ULK4: variants seen among roughly 807,000 people sequenced by gnomAD.
ULK4 encodes the protein unc-51 like kinase 4.
In ULK4, 133 loss-of-function variants were observed where a neutral mutation model predicts 160.6. The observed-to-expected ratio is 0.83, with a 90% CI of 0.72 to 0.96. The LOEUF is 0.96. Among genes scored for constraint, ULK4 ranks in the 40% least tolerant of loss-of-function variants. ULK4 has a pLI of 0.00. For missense variants in ULK4, 1,580 were observed against 1,499.5 expected (o/e 1.05, Z -0.89); for synonymous variants, 534 against 539.8 (o/e 0.99, Z 0.15).
chr3:41,385,153 TGTC>T (rs2081775909), intron 35 of ULK4, among the ~76,000 whole-genome samples: 1 of 152,230 alleles, frequency 6.6e-6, no homozygotes, highest in South Asian at 2.1e-4. Context: ...AGTGTCATGA[TGTC>T]TTCACTTTCA....
chr3:41,835,905 A>T lies in ULK4; in HGVS notation c.1723T>A (p.Leu575Ile). The stretch of plus-strand genomic sequence containing the variant: ...TAGATCAGCTCCCCAAGGGTTGGTA[A>T]AAGGCACTGTTTTAATTTGCTGTTC... ...FRNSKLKQCL[L>I]PTLGELIYLV... The change falls in exon 18 of 37, where the codon TTA (leucine) becomes ATA (isoleucine). Residue 575 changes from leucine to isoleucine, a missense_variant. Coordinates refer to ENST00000301831, the MANE Select transcript of ULK4 (RefSeq NM_017886.4). 1 of 1,613,688 alleles carries T rather than the reference A, an allele frequency of 6.2e-7. No homozygotes were observed. Among genetic ancestry groups the T allele is most frequent in the African/African-American group, 1.3e-5 (1 of 74,972 alleles).
intron 2 of ULK4, among the ~76,000 whole-genome samples, chr3:41,947,513 G>C (rs1700149671): frequency 6.6e-6 from 1 of 152,176 alleles, no homozygotes; most frequent in Admixed American, 6.5e-5. Context: ...CTCCTCAACT[G>C]GAGAGGGGGC....
intron 5 of ULK4, among the ~76,000 whole-genome samples, chr3:41,924,139 A>C (rs572098432): frequency 6.6e-6 from 1 of 152,316 alleles, no homozygotes; most frequent in African/African-American, 2.4e-5. Flanking sequence ...CATCAATGTT[A>C]ACAGATTCTT....
At chr3:41,475,411 T>C (rs917840096) in intron 32 of ULK4, among the ~76,000 whole-genome samples, 1 of 152,166 alleles carries the variant, frequency 6.6e-6, no homozygotes, top group Admixed American at 6.5e-5. Context: ...ATTTTTTTCT[T>C]TGACATATAA....
At chr3:41,493,348 A>G (rs2084863296) in intron 32 of ULK4, among the ~76,000 whole-genome samples, 3 of 145,412 alleles carry the variant, frequency 2.1e-5, no homozygotes, top group Admixed American at 7.0e-5. Context: ...TAACGAAATG[A>G]AGGCAGAAAT....
chr3:41,831,027 TATTTATTG>T (rs1559590124), intron 18 of ULK4, among the ~76,000 whole-genome samples: 12 of 151,482 alleles, frequency 7.9e-5, no homozygotes, highest in African/African-American at 2.2e-4. Flanking sequence ...TTTATTTATT[TATTTATTG>T]ATTTATTTAT....
At chr3:41,811,582 G>C (rs1256692246) in intron 19 of ULK4, among the ~76,000 whole-genome samples, 1 of 152,084 alleles carries the variant, frequency 6.6e-6, no homozygotes, top group Non-Finnish European at 1.5e-5. Context: ...TCTCTGCTTA[G>C]AAGGCAATTT....
intron 32 of ULK4, among the ~76,000 whole-genome samples, chr3:41,499,518 C>T (rs941734955): frequency 2.6e-5 from 4 of 152,156 alleles, no homozygotes; most frequent in Non-Finnish European, 4.4e-5. Context: ...GCACAAAATA[C>T]GTGGTGGGCT....
chr3:41,657,105 ATAAACTAG>A (rs2034963878), intron 30 of ULK4, among the ~76,000 whole-genome samples: 1 of 152,152 alleles, frequency 6.6e-6, no homozygotes, highest in African/African-American at 2.4e-5. Flanking sequence ...ACACTCAATA[ATAAACTAG>A]ATCCACCAGG....
chr3:41,600,843 C>T (rs76070709), intron 31 of ULK4, among the ~76,000 whole-genome samples: 1,750 of 152,304 alleles, frequency 0.011, 44 homozygotes, highest in African/African-American at 0.039. Context: ...TGCCACAAGT[C>T]ACACAGAAAA....
At chr3:41,534,526 A>AAC (rs1185322168) in intron 32 of ULK4, among the ~76,000 whole-genome samples, 1 of 151,760 alleles carries the variant, frequency 6.6e-6, no homozygotes, top group Admixed American at 6.6e-5. Context: ...CAAAAAAAAA[A>AAC]AAAACTAAAC....
chr3:41,827,356 A>C (rs1410953559), intron 18 of ULK4, among the ~76,000 whole-genome samples: 1 of 151,968 alleles, frequency 6.6e-6, no homozygotes, highest in Non-Finnish European at 1.5e-5. Flanking sequence ...CTTCAAAACA[A>C]TCAGTGAATC....
intron 32 of ULK4, among the ~76,000 whole-genome samples, chr3:41,519,388 A>C (rs1304844719): frequency 6.6e-6 from 1 of 152,180 alleles, no homozygotes; most frequent in Non-Finnish European, 1.5e-5. Flanking sequence ...AGGGGTTCCT[A>C]CTTGCCTCAC....
At chr3:41,468,911 T>C (rs139878235) in intron 32 of ULK4, among the ~76,000 whole-genome samples, 25 of 152,252 alleles carry the variant, frequency 1.6e-4, no homozygotes, top group African/African-American at 5.3e-4. Context: ...GGAGGTGTAG[T>C]AGAAAGCCAT....
chr3:41,757,949 T>C (rs2038862421), intron 21 of ULK4, among the ~76,000 whole-genome samples: 1 of 152,170 alleles, frequency 6.6e-6, no homozygotes, highest in South Asian at 2.1e-4. Flanking sequence ...TTTTACCTGC[T>C]ATGGGCTGAA....
intron 31 of ULK4, among the ~76,000 whole-genome samples, chr3:41,577,978 T>G (rs1163672453): frequency 6.6e-6 from 1 of 152,226 alleles, no homozygotes; most frequent in Non-Finnish European, 1.5e-5. Flanking sequence ...TAACACCTTC[T>G]TTGGCAGGTC....
chr3:41,642,267 C>A (rs1159020678), intron 30 of ULK4, among the ~76,000 whole-genome samples: 1 of 152,032 alleles, frequency 6.6e-6, no homozygotes, highest in African/African-American at 2.4e-5. Flanking sequence ...TATACATGTG[C>A]TATGCTGGTG....
chr3:41,840,831 A>G (rs114960066), intron 17 of ULK4, among the ~76,000 whole-genome samples: 47,411 of 150,678 alleles, frequency 0.31, 10,863 homozygotes, highest in African/African-American at 0.66. Flanking sequence ...CTGCCTAGCC[A>G]CCCATTGTCT....
At chr3:41,852,587 AAAG>A (rs145218550) in intron 17 of ULK4, among the ~76,000 whole-genome samples, 27,628 of 151,972 alleles carry the variant, frequency 0.18, 2,581 homozygotes, top group Middle Eastern at 0.32. Flanking sequence ...CAAAAATAGA[AAAG>A]AAGAAAACTG....
Sources: gnomAD v4.1 joint callset for allele counts (sites outside exome capture counted in the v4.1 genomes callset) on GRCh38, gnomAD v4.1.1 for gene constraint, MANE v1.5 for transcripts, NCBI Gene and HGNC (gene_info 2026-07-23, HGNC 2026-07-21) for gene names.